MDN1: variants seen among roughly 807,000 people sequenced by gnomAD.
MDN1 encodes midasin AAA ATPase 1, also known as midasin.
MDN1 carries 266 observed loss-of-function variants against 669.2 expected under a neutral mutation model. The observed-to-expected ratio is 0.40, with a 90% CI of 0.36 to 0.44. MDN1 has a LOEUF of 0.44. MDN1 is among the 20% of genes least tolerant of loss of function. MDN1 has a pLI of 1.00. For synonymous variants in MDN1, 2,385 were observed against 2,457.1 expected (o/e 0.97, Z 0.87); for missense variants, 5,940 against 6,754.0 (o/e 0.88, Z 4.22).
At chr6:89,798,438 G>A (rs1003305356) in intron 2 of MDN1, among the ~76,000 whole-genome samples, 1 of 151,764 alleles carries the variant, frequency 6.6e-6, no homozygotes, top group Admixed American at 6.6e-5. Context: ...GGAGGCGGAG[G>A]TTGCGGTGAG....
chr6:89,710,910 G>A (rs962140646), intron 49 of MDN1, 116 bp from the exon 50 acceptor site: 13 of 600,750 alleles, frequency 2.2e-5, no homozygotes, highest in Non-Finnish European at 3.8e-5. Flanking sequence ...CACATATGAG[G>A]ACCTGAAATG....
chr6:89,675,871 A>T, intron 77 of MDN1: 1 of 553,672 alleles, frequency 1.8e-6, no homozygotes. Context: ...AATTTTTCTT[A>T]AACATTAAGA....
chr6:89,788,295 A>G (rs1361488507), intron 7 of MDN1, among the ~76,000 whole-genome samples: 1 of 152,216 alleles, frequency 6.6e-6, no homozygotes, highest in Non-Finnish European at 1.5e-5. Context: ...AGGAGTATAC[A>G]AAGTCATATA....
At chr6:89,766,291 T>G (rs1036988810) in intron 15 of MDN1, among the ~76,000 whole-genome samples, 16 of 148,402 alleles carry the variant, frequency 1.1e-4, no homozygotes, top group African/African-American at 4.0e-4. Context: ...AGAGTTAGAC[T>G]CCATCTCAAA....
chr6:89,701,173 AG>A (rs915744261), intron 55 of MDN1, among the ~76,000 whole-genome samples: 2 of 152,192 alleles, frequency 1.3e-5, no homozygotes, highest in African/African-American at 2.4e-5. Flanking sequence ...GAAAATATTC[AG>A]GGGGAAAAAT....
chr6:89,733,459 C>T (rs775878309), intron 33 of MDN1, among the ~76,000 whole-genome samples: 1 of 151,638 alleles, frequency 6.6e-6, no homozygotes, highest in Non-Finnish European at 1.5e-5. Context: ...CAACAGTAGA[C>T]ATTTATCTCT....
intron 5 of MDN1, among the ~76,000 whole-genome samples, chr6:89,792,317 T>C (rs1819312988): frequency 6.6e-6 from 1 of 152,204 alleles, no homozygotes; most frequent in East Asian, 1.9e-4. Flanking sequence ...CTGGAAGCTC[T>C]TGAACTTTCC....
At position 89,674,191 on chromosome 6, in the gene MDN1, A is replaced by T; in HGVS notation, c.13160T>A (p.Leu4387Ter). 1 of 1,614,198 alleles carries T rather than the reference A, an allele frequency of 6.2e-7. No homozygotes were observed. The highest frequency in any genetic ancestry group is 8.5e-7 in the Non-Finnish European group (1 of 1,180,040). ...DHLWQQSTTRLTEMLKTIKTV... is the reference protein window; with the variant it reads ...DHLWQQSTTR Reference sequence around the variant, plus strand: ...TTTAATGGTTTTTAGCATCTCTGTTAATCTCGTAGTTGACTGTTGCCAAAG... The same window carrying T: ...TTTAATGGTTTTTAGCATCTCTGTTTATCTCGTAGTTGACTGTTGCCAAAG... Residue 4387 changes from leucine (L) to a stop codon, truncating the protein, a stop_gained, in exon 79 of 102, where the codon TTA (leucine) becomes TAA (stop). Coordinates refer to ENST00000369393, the MANE Select transcript of MDN1 (RefSeq NM_014611.3). LOFTEE classifies it high-confidence loss of function.
chr6:89,667,913 A>C (rs1810375659), intron 84 of MDN1, 101 bp downstream of exon 84: 1 of 1,435,944 alleles, frequency 7.0e-7, no homozygotes, highest in African/African-American at 1.4e-5. Flanking sequence ...ATCACAGATT[A>C]AAAATTATTA....
chr6:89,666,420 A>G (rs1321127348), intron 84 of MDN1, among the ~76,000 whole-genome samples: 1 of 152,154 alleles, frequency 6.6e-6, no homozygotes, highest in Non-Finnish European at 1.5e-5. Flanking sequence ...GCATGCCACC[A>G]CACCCAGCTA....
chr6:89,777,872 T>C (rs1818433986), intron 11 of MDN1, among the ~76,000 whole-genome samples: 2 of 152,058 alleles, frequency 1.3e-5, no homozygotes, highest in South Asian at 4.2e-4. Flanking sequence ...AAATTATCCA[T>C]AAAAACCCTA....
At chr6:89,698,798 T>G in intron 59 of MDN1, 67 bp downstream of exon 59, 1 of 1,510,394 alleles carries the variant, frequency 6.6e-7, no homozygotes. Context: ...TAAATGTTTA[T>G]TGATAGATCC....
chr6:89,801,992 C>T (rs1258608423), intron 2 of MDN1, among the ~76,000 whole-genome samples: 2 of 151,722 alleles, frequency 1.3e-5, no homozygotes, highest in African/African-American at 4.8e-5. Flanking sequence ...ATAATCAACA[C>T]ATAACGTGTA....
At chr6:89,785,186 G>T in intron 8 of MDN1, 60 bp from the exon 9 acceptor site, 1 of 1,126,434 alleles carries the variant, frequency 8.9e-7, no homozygotes, top group Non-Finnish European at 1.4e-6. Flanking sequence ...CCTGAATTGT[G>T]CCTCTGGATA....
chr6:89,732,412 C>T lies in MDN1; in HGVS notation c.4942+145G>A, dbSNP rs983750219. On this transcript the variant is annotated intron_variant, in intron 34 of 101. Transcript: ENST00000369393. ...TGTGCCAATCACCTTTCAAAGAGTA[C>T]AAACAAAAGGAAAGCCATTCTGAGT... 2.6e-5 allele frequency: 18 copies of T among 695,316 alleles called. No individual in the cohort carries two copies. In the African/African-American group the frequency reaches 3.2e-4, roughly 13 times the overall value. The allele number at this position is 695,316 out of a possible 1,614,324, so 43.1% of individuals were successfully genotyped here. A position where few individuals can be genotyped will look rare whatever the true frequency, so the allele number is the denominator to read the frequency against.
intron 37 of MDN1, 119 bp from the exon 38 acceptor site, chr6:89,725,515 C>G: frequency 1.2e-6 from 1 of 863,154 alleles, no homozygotes. Context: ...GAATTTCAAA[C>G]AATATTGATA....
At position 89,749,289 on chromosome 6, in the gene MDN1, C is replaced by T; in HGVS notation, c.3696G>A (p.Leu1232=). 1 of 1,614,098 alleles carries T rather than the reference C, an allele frequency of 6.2e-7. No homozygotes were observed. Among genetic ancestry groups the T allele is most frequent in the Non-Finnish European group, 8.5e-7 (1 of 1,180,006 alleles). Reference sequence around the variant, plus strand: ...AGGGTGGCAAACTACACCGCTTGTGCAAGATTGTTTCCAACTCGGAGCTAG... The same window carrying T: ...AGGGTGGCAAACTACACCGCTTGTGTAAGATTGTTTCCAACTCGGAGCTAG... ...ELPSSELETI[L]HKRCSLPPSY... is the part of the protein sequence containing the mutation. The change falls in exon 26 of 102, where the codon TTG becomes TTA. Residue 1232 remains leucine (L), a synonymous_variant. Transcript: ENST00000369393.
At chr6:89,685,397 A>C (rs1811940143) in intron 70 of MDN1, among the ~76,000 whole-genome samples, 3 of 152,102 alleles carry the variant, frequency 2.0e-5, no homozygotes, top group Non-Finnish European at 4.4e-5. Flanking sequence ...TCTTGTAGTG[A>C]GACTTTTATC....
rs559962323 is a variant in MDN1 at position 89,772,695 on chromosome 6, C to T, written c.1961G>A (p.Arg654Gln). ...CTGCTCGATGAGAACAGAGGACGGC[C>T]GTGTAGCAGCGAAAGTGAACTTCTC... The part of the protein sequence containing the change: ...QREKFTFAAT[R>Q]PSSVLIEQLA... The change falls in exon 14 of 102, where the codon CGG (arginine) becomes CAG (glutamine). Residue 654 changes from arginine (R) to glutamine (Q), a missense_variant. Physicochemically the swap from Arg to Gln is conservative, Grantham distance 43 (BLOSUM62 1). This residue lies in a region of MDN1 where 1,203 missense variants were observed against 1,268.9 expected (regional missense o/e 0.95). Transcript: ENST00000369393. 5.0e-6 allele frequency: 8 copies of T among 1,613,594 alleles called. No individual in the cohort carries two copies. The highest frequency in any genetic ancestry group is 4.5e-5 in the East Asian group (2 of 44,862).
Sources: allele counts gnomAD v4.1 joint callset (sites outside exome capture counted in the v4.1 genomes callset), GRCh38; gene constraint gnomAD v4.1.1; regional missense constraint gnomAD v4.1.1; transcripts MANE v1.5; gene names NCBI Gene and HGNC (gene_info 2026-07-23, HGNC 2026-07-21).